CPNE5: variants seen among roughly 807,000 people sequenced by gnomAD.
CPNE5 encodes copine 5, also known as copine-5.
A neutral mutation model predicts 81.1 loss-of-function variants in CPNE5; 42 were observed. The ratio of observed to expected loss-of-function variants is 0.52; its 90% confidence interval spans 0.40 to 0.67. The LOEUF is 0.67. Among genes scored for constraint, CPNE5 ranks in the 30% least tolerant of loss-of-function variants. The pLI is 0.00. For synonymous variants in CPNE5, 313 were observed against 321.5 expected (o/e 0.97, Z 0.28); for missense variants, 612 against 815.5 (o/e 0.75, Z 3.04).
intron 6 of CPNE5, among the ~76,000 whole-genome samples, chr6:36,797,553 G>T (rs985940865): frequency 6.6e-6 from 1 of 152,186 alleles, no homozygotes; most frequent in African/African-American, 2.4e-5. Context: ...GACAAGAGAG[G>T]TCACCCTCAC....
In CPNE5 at chr6:36,826,607, G is replaced by T. The variant is rs182030837; in HGVS notation, c.96-3509C>A. 2.6e-5 allele frequency among the ~76,000 whole-genome samples: 4 copies of T among 152,334 alleles called. No homozygotes were observed. In the East Asian group the frequency reaches 7.7e-4, roughly 29 times the overall value. On this transcript the variant is annotated intron_variant, in intron 1 of 20. Transcript: ENST00000244751. ...GGTGTATCTGTCTCTCACACTGGCT[G>T]TGCATGCCTCCATGGCAGAGTTTCC... is the stretch of plus-strand genomic sequence containing the variant.
intron 8 of CPNE5, among the ~76,000 whole-genome samples, chr6:36,782,988 C>T (rs370372833): frequency 1.4e-3 from 213 of 152,146 alleles, no homozygotes; most frequent in African/African-American, 4.9e-3. Flanking sequence ...AGAAGAATAG[C>T]GCCCCCTTGT....
rs762904080 is a variant in CPNE5, at chr6:36,745,031, G to A, written c.1431+17C>T. 13 of 1,586,738 alleles carry A rather than the reference G, an allele frequency of 8.2e-6. No individual in the cohort carries two copies. Among genetic ancestry groups the A allele is most frequent in the Middle Eastern group, 1.7e-4 (1 of 6,008 alleles). On this transcript the variant is annotated intron_variant, in intron 18 of 20. Transcript: ENST00000244751. ...CACTCCTCAAACCGCCTCCCCCACC[G>A]CACACTCCTTGCTTACGTTGACAAT...
chr6:36,761,994 A>G (rs1766070220), intron 12 of CPNE5, among the ~76,000 whole-genome samples: 1 of 152,210 alleles, frequency 6.6e-6, no homozygotes. Flanking sequence ...GCTCAGGCCT[A>G]TAATCCCAGC....
chr6:36,832,638 G>A lies in CPNE5; in HGVS notation c.95+6645C>T, dbSNP rs553393102. On this transcript the variant is annotated intron_variant, in intron 1 of 20. Transcript: ENST00000244751. ...CTTGATGATAAAGTGAGCTGACAAA[G>A]TAGCCCTGATATAACCTACCTCCAG... Among the ~76,000 whole-genome samples, 9 of 150,240 alleles carry A rather than the reference G, an allele frequency of 6.0e-5. No homozygotes were observed. The East Asian group carries it at 1.4e-3, about 23-fold the overall frequency.
At chr6:36,810,855 G>A (rs1032569708) in intron 3 of CPNE5, among the ~76,000 whole-genome samples, 1 of 152,178 alleles carries the variant, frequency 6.6e-6, no homozygotes, top group African/African-American at 2.4e-5. Context: ...AGGCTTCCAG[G>A]TAAGGCAGGG....
At chr6:36,795,437 C>T (rs2150516521) in intron 6 of CPNE5, among the ~76,000 whole-genome samples, 1 of 152,268 alleles carries the variant, frequency 6.6e-6, no homozygotes, top group Non-Finnish European at 1.5e-5. Flanking sequence ...CCTTGGCCTC[C>T]CAAAGTGATT....
chr6:36,804,476 T>C lies in CPNE5; in HGVS notation c.184-4406A>G, dbSNP rs1357481961. ...AGGAACATGTCTCTTAATGGCTTTC[T>C]TGCAAAATATTCCAGGTAAACACCC... is the stretch of plus-strand genomic sequence containing the variant. On this transcript the variant is annotated intron_variant, in intron 3 of 20. Coordinates refer to ENST00000244751, the MANE Select transcript of CPNE5 (RefSeq NM_020939.2). Among the ~76,000 whole-genome samples, 3 of 152,242 alleles carry C rather than the reference T, an allele frequency of 2.0e-5. No individual in the cohort carries two copies. In the East Asian group the frequency reaches 5.8e-4, roughly 29 times the overall value.
At chr6:36,748,128 G>C in intron 15 of CPNE5, 93 bp downstream of exon 15, 1 of 1,140,586 alleles carries the variant, frequency 8.8e-7, no homozygotes, top group Admixed American at 1.7e-5. Context: ...AGGCCAGAGA[G>C]TATGAGGGTC....
intron 8 of CPNE5, among the ~76,000 whole-genome samples, chr6:36,789,054 G>A (rs951603583): frequency 6.6e-6 from 1 of 152,180 alleles, no homozygotes; most frequent in Non-Finnish European, 1.5e-5. Context: ...CTGGAAAGAC[G>A]AAGCAAAGCT....
chr6:36,777,766 CCACACACACACACACA>C (rs34423091), intron 9 of CPNE5, among the ~76,000 whole-genome samples: 20 of 109,552 alleles, frequency 1.8e-4, no homozygotes, highest in Non-Finnish European at 2.7e-4. Flanking sequence ...CCCCCCCCCA[CCACACACACACACACA>C]CACACACACA....
chr6:36,777,104 G>A (rs1055191572), intron 9 of CPNE5, among the ~76,000 whole-genome samples: 2 of 152,096 alleles, frequency 1.3e-5, no homozygotes, highest in South Asian at 2.1e-4. Context: ...ATGACCTCCC[G>A]GGTCTGATCA....
chr6:36,758,056 G>T (rs1049003492), intron 12 of CPNE5, among the ~76,000 whole-genome samples: 5 of 152,178 alleles, frequency 3.3e-5, no homozygotes, highest in African/African-American at 1.2e-4. Flanking sequence ...AGGTGAGTGT[G>T]AGGGGAGGAG....
Position 36,766,385 on chromosome 6 carries a change from C to T in CPNE5, c.738-1009G>A, listed in dbSNP as rs779613294. ...TCAGGACCAAGGGTAGGCGACAGAT[C>T]CACCGCAGCAGGGCAGAAACTGTTC... On this transcript the variant is annotated intron_variant, in intron 10 of 20. Coordinates refer to ENST00000244751, the MANE Select transcript of CPNE5 (RefSeq NM_020939.2). This position sits in a 1 kb window ranked among gnomAD's most constrained non-coding sequence, Gnocchi z 4.2. Among the ~76,000 whole-genome samples, 25 of 152,206 alleles carry T rather than the reference C, an allele frequency of 1.6e-4. No individual in the cohort carries two copies. Among genetic ancestry groups the T allele is most frequent in the Non-Finnish European group, 2.9e-5 (2 of 68,032 alleles).
chr6:36,756,115 C>A, intron 13 of CPNE5, 130 bp downstream of exon 13: 23 of 385,412 alleles, frequency 6.0e-5, no homozygotes, highest in Non-Finnish European at 9.4e-5. Context: ...CCCACCCCAT[C>A]TCTCTTGGAT....
chr6:36,807,110 G>C (rs573235995), intron 3 of CPNE5, among the ~76,000 whole-genome samples: 1 of 152,344 alleles, frequency 6.6e-6, no homozygotes, highest in Non-Finnish European at 1.5e-5. Context: ...ATTTTCTGGG[G>C]AGAACAGCCA....
intron 3 of CPNE5, among the ~76,000 whole-genome samples, chr6:36,811,281 C>T (rs1487135779): frequency 6.6e-6 from 1 of 152,230 alleles, no homozygotes; most frequent in Non-Finnish European, 1.5e-5. Context: ...CACTCCAAAA[C>T]ATCGATAGCT....
chr6:36,832,406 C>T (rs112624088), intron 1 of CPNE5, among the ~76,000 whole-genome samples: 10 of 152,264 alleles, frequency 6.6e-5, no homozygotes, highest in African/African-American at 2.4e-4. Context: ...CCAGCTTTGG[C>T]CCCTGAAATA....
chr6:36,744,766 G>A (rs1355453461), intron 18 of CPNE5, among the ~76,000 whole-genome samples: 2 of 152,182 alleles, frequency 1.3e-5, no homozygotes, highest in Admixed American at 6.5e-5. Flanking sequence ...AGACCAGAGC[G>A]TGACTAAGAG....
Sources: allele counts gnomAD v4.1 joint callset (sites outside exome capture counted in the v4.1 genomes callset), GRCh38; gene constraint gnomAD v4.1.1; non-coding constraint Gnocchi (gnomAD v3.1); transcripts MANE v1.5; gene names NCBI Gene and HGNC (gene_info 2026-07-23, HGNC 2026-07-21).